ZNF518B: variants seen among roughly 807,000 people sequenced by gnomAD.
The protein encoded by ZNF518B is zinc finger protein 518B.
Under a neutral mutation model 56.3 loss-of-function variants are expected in ZNF518B, and 23 were observed. The observed-to-expected ratio is 0.41, with a 90% CI of 0.29 to 0.58. The LOEUF is 0.58. Among genes scored for constraint, ZNF518B ranks in the 20% least tolerant of loss-of-function variants. ZNF518B has a pLI of 0.32. For missense variants in ZNF518B, 1,460 were observed against 1,272.1 expected, an observed-to-expected ratio of 1.15 and a Z score of -2.25; for synonymous variants, 529 against 465.9, an observed-to-expected ratio of 1.14 and a Z score of -1.74.
upstream of ZNF518B, among the ~76,000 whole-genome samples, chr4:10,458,159 ATATT>A (rs955947624): frequency 6.6e-6 from 1 of 152,172 alleles, no homozygotes; most frequent in African/African-American, 2.4e-5. Flanking sequence ...GAAGGAAGAC[ATATT>A]TAGAATAGAG....
chr4:10,460,304 C>CAACAAA (rs1715700492), upstream of ZNF518B, among the ~76,000 whole-genome samples: 2 of 8,802 alleles, frequency 2.3e-4, no homozygotes, highest in Admixed American at 5.1e-3. Context: ...GACTCTGTCT[C>CAACAAA]AAAAAAAAAA....
chr4:10,447,226 A>G (rs1406090033), intron 2 of ZNF518B, among the ~76,000 whole-genome samples: 2 of 152,176 alleles, frequency 1.3e-5, no homozygotes, highest in East Asian at 3.9e-4. Flanking sequence ...CAGATTACAT[A>G]TTTGCCAATG....
At position 10,443,932 on chromosome 4, in the gene ZNF518B, G is replaced by A. The variant is rs370258635; in HGVS notation, c.2397C>T (p.Ser799=). The part of the protein sequence containing the change: ...IIEATCEAPV[S]IPCSERQLIK... ...TTAACTGTCTTTCACTGCAAGGTAT[G>A]CTGACAGGTGCTTCACATGTAGCCT... The change falls in exon 3 of 3, where the codon AGC becomes AGT. Residue 799 remains serine (S), a synonymous_variant. Coordinates refer to ENST00000326756, the MANE Select transcript of ZNF518B (RefSeq NM_053042.3). 34 of 1,614,110 alleles carry A rather than the reference G, an allele frequency of 2.1e-5. 1 individual carries two copies. Among genetic ancestry groups the A allele is most frequent in the Middle Eastern group, 1.6e-4 (1 of 6,084 alleles).
At chr4:10,458,460 C>G (rs891731936), upstream of ZNF518B, among the ~76,000 whole-genome samples, 1 of 152,182 alleles carries the variant, frequency 6.6e-6, no homozygotes, top group Non-Finnish European at 1.5e-5. Flanking sequence ...AGTACTGCCA[C>G]ACGGAGAAGC....
intron 2 of ZNF518B, chr4:10,451,556 ATTT>A (rs1257281991): frequency 1.3e-5 from 2 of 152,216 alleles, no homozygotes; most frequent in East Asian, 1.9e-4. Flanking sequence ...ATTATTTTCC[ATTT>A]TTTAATTTAA....
At chr4:10,459,937 A>G (rs909761903), upstream of ZNF518B, among the ~76,000 whole-genome samples, 1 of 152,206 alleles carries the variant, frequency 6.6e-6, no homozygotes, top group African/African-American at 2.4e-5. Flanking sequence ...AGGAGAGAAG[A>G]AGGAAGACAT....
rs879161064 is a variant in ZNF518B, at chr4:10,441,438, T to TG, written c.*1665dup. 2.4e-4 allele frequency: 7 copies of TG among 28,724 alleles called. No individual in the cohort carries two copies. Among genetic ancestry groups the TG allele is most frequent in the South Asian group, 1.2e-3 (1 of 848 alleles). 1.8% of individuals were successfully genotyped at this position (28,724 alleles called of 1,614,324 possible). Reference sequence around the variant, plus strand: ...TACTGGAATCTAAGACTTTCCCATGTGAAAAAAAAAAAAAAAAATCAAAGT... The same window carrying TG: ...TACTGGAATCTAAGACTTTCCCATGTGGAAAAAAAAAAAAAAAAATCAAAGT... On this transcript the variant is annotated 3_prime_UTR_variant, in exon 3 of 3. Transcript: ENST00000326756.
chr4:10,460,324 C>CAAAAAAAAAA (rs1715706695), upstream of ZNF518B, among the ~76,000 whole-genome samples: 2 of 17,398 alleles, frequency 1.1e-4, no homozygotes, highest in Non-Finnish European at 1.9e-4. Context: ...AAAAAAAAAA[C>CAAAAAAAAAA]CAAAAAAAAA....
At position 10,446,391 on chromosome 4, in the gene ZNF518B, T is replaced by G. The variant is rs911762118; in HGVS notation, c.-63A>C. ...GAAAGTTTTCACATGATAAAATCCT[T>G]AGGAGATATCCTTCTATACAGTTTG... On this transcript the variant is annotated 5_prime_UTR_variant, in exon 3 of 3. Transcript: ENST00000326756. 1 of 1,479,196 alleles carries G rather than the reference T, an allele frequency of 6.8e-7. No individual in the cohort carries two copies. Among genetic ancestry groups the G allele is most frequent in the Non-Finnish European group, 9.3e-7 (1 of 1,074,520 alleles). The allele number at this position is 1,479,196 out of a possible 1,614,324, so 91.6% of individuals were successfully genotyped here. A position where few individuals can be genotyped will look rare whatever the true frequency, so the allele number is the denominator to read the frequency against.
At chr4:10,460,337 A>AAAAAAAAAAAG (rs1445350067), upstream of ZNF518B, among the ~76,000 whole-genome samples, 1 of 148,406 alleles carries the variant, frequency 6.7e-6, no homozygotes, top group Non-Finnish European at 1.5e-5. Flanking sequence ...AAAAAAAAAA[A>AAAAAAAAAAAG]ACCGACCATG....
In ZNF518B at chr4:10,444,333, G is replaced by A. The variant is rs775917612; in HGVS notation, c.1996C>T (p.Arg666Cys). Residue 666 changes from arginine to cysteine, a missense_variant, in exon 3 of 3, where the codon CGC becomes TGC. Arg to Cys is a radical substitution (Grantham distance 180, BLOSUM62 -3). Coordinates refer to ENST00000326756, the MANE Select transcript of ZNF518B (RefSeq NM_053042.3). ...TCAATTAACTGAGCTATCTTTCTGC[G>A]CAACAGTTCAATTGACTTTATTTTA... ...TSKIKSIELLRRKIAQLIESC... is the reference protein window; with the variant it reads ...TSKIKSIELLCRKIAQLIESC... 60 of 1,614,012 alleles carry A rather than the reference G, an allele frequency of 3.7e-5. No homozygotes were observed. The highest frequency in any genetic ancestry group is 2.2e-4 in the Admixed American group (13 of 60,000).
At chr4:10,448,731 G>C (rs1715175230) in intron 2 of ZNF518B, among the ~76,000 whole-genome samples, 1 of 152,076 alleles carries the variant, frequency 6.6e-6, no homozygotes, top group African/African-American at 2.4e-5. Flanking sequence ...ATTTTGCACA[G>C]GACACATGAA....
At chr4:10,452,555 G>A (rs1715364101) in intron 2 of ZNF518B, 1 of 152,120 alleles carries the variant, frequency 6.6e-6, no homozygotes, top group Non-Finnish European at 1.5e-5. Flanking sequence ...TGATATTGAG[G>A]AAGAAACTGT....
chr4:10,440,030 GT>G lies in ZNF518B; in HGVS notation c.*3073del, dbSNP rs1226417446. 2.6e-5 allele frequency: 4 copies of G among 152,508 alleles called. No individual in the cohort carries two copies. Among genetic ancestry groups the G allele is most frequent in the Admixed American group, 2.6e-4 (4 of 15,272 alleles). The allele number at this position is 152,508 out of a possible 1,614,324, so 9.4% of individuals were successfully genotyped here. A position where few individuals can be genotyped will look rare whatever the true frequency, so the allele number is the denominator to read the frequency against. ...TAATGCTTAAAACATGTTACACAAT[GT>G]TTTGTTTCTGCTCATATAGACATTT... On this transcript the variant is annotated 3_prime_UTR_variant, in exon 3 of 3. Transcript: ENST00000326756.
chr4:10,454,054 G>C lies in ZNF518B; in HGVS notation c.-212+751C>G, dbSNP rs150552726. On this transcript the variant is annotated intron_variant, in intron 2 of 2. Coordinates refer to ENST00000326756, the MANE Select transcript of ZNF518B (RefSeq NM_053042.3). ...GCTTCCCAGGTGATTCTCATATGCA[G>C]CTATGCAGCCAAGGCTGCAAACCAC... The C allele has an allele frequency of 4.6e-5, 7 of 152,372 alleles. No homozygotes were observed. The East Asian group carries it at 1.3e-3, about 29-fold the overall frequency. 9.4% of individuals were successfully genotyped at this position (152,372 alleles called of 1,614,324 possible). A position where few individuals can be genotyped will look rare whatever the true frequency, so the allele number is the denominator to read the frequency against.
Position 10,445,716 on chromosome 4 carries a change from T to C in ZNF518B, c.613A>G (p.Ile205Val), listed in dbSNP as rs188559928. ...CDYGAIRNDYIVKHTKRVHER... is the reference protein window; with the variant it reads ...CDYGAIRNDYVVKHTKRVHER... ...TGTACTCTCTTCGTGTGTTTGACAA[T>C]ATAATCATTTCTAATAGCACCATAG... Residue 205 changes from isoleucine to valine, a missense_variant, in exon 3 of 3, where the codon ATT (isoleucine) becomes GTT (valine). Coordinates refer to ENST00000326756, the MANE Select transcript of ZNF518B (RefSeq NM_053042.3). 3 of 1,614,208 alleles carry C rather than the reference T, an allele frequency of 1.9e-6. No homozygotes were observed. Among genetic ancestry groups the C allele is most frequent in the South Asian group, 1.1e-5 (1 of 91,086 alleles).
chr4:10,445,938 T>G lies in ZNF518B; in HGVS notation c.391A>C (p.Lys131Gln). 6.2e-7 allele frequency: 1 copy of G among 1,614,246 alleles called. No individual in the cohort carries two copies. Among genetic ancestry groups the G allele is most frequent in the Non-Finnish European group, 8.5e-7 (1 of 1,180,052 alleles). The change falls in exon 3 of 3, where the codon AAG becomes CAG. Residue 131 changes from lysine to glutamine, a missense_variant. Transcript: ENST00000326756. Reference protein sequence around the residue: ...VNSKFKVRNFKPGKYYCDKCR... With the variant: ...VNSKFKVRNFQPGKYYCDKCR... ...TTATCACAATAGTATTTGCCTGGCT[T>G]AAAGTTCCTTACCTTAAATTTGCTA...
chr4:10,460,325 C>CAAAAAAAAAAAAAAAAAAG (rs1043723933), upstream of ZNF518B, among the ~76,000 whole-genome samples: 2 of 57,588 alleles, frequency 3.5e-5, 1 homozygote, highest in Non-Finnish European at 5.2e-5. Flanking sequence ...AAAAAAAAAC[C>CAAAAAAAAAAAAAAAAAAG]AAAAAAAAAA....
intron 2 of ZNF518B, chr4:10,453,367 C>T (rs577026928): frequency 5.3e-5 from 8 of 152,208 alleles, no homozygotes; most frequent in Admixed American, 3.3e-4. Flanking sequence ...GTTCATTAGT[C>T]GGCAGGAAGT....
Sources: allele counts gnomAD v4.1 joint callset (sites outside exome capture counted in the v4.1 genomes callset), GRCh38; gene constraint gnomAD v4.1.1; transcripts MANE v1.5; gene names NCBI Gene and HGNC (gene_info 2026-07-23, HGNC 2026-07-21).